The following UGT1A4 variants were observed in gnomAD, a reference collection of about 807,000 sequenced individuals.
The protein encoded by UGT1A4 is UDP glucuronosyltransferase family 1 member A4, also known as UDP-glucuronosyltransferase 1A4.
UGT1A4 carries 32 observed loss-of-function variants against 41.1 expected under a neutral mutation model. That is an observed-to-expected ratio of 0.78 (90% confidence interval 0.59 to 1.05). UGT1A4 has a LOEUF of 1.05. Ranked by LOEUF, UGT1A4 falls within the 50% of genes least tolerant of loss-of-function variation. The pLI is 0.00. For synonymous variants in UGT1A4, 283 were observed against 265.1 expected (o/e 1.07, Z -0.66); for missense variants, 748 against 677.4 (o/e 1.10, Z -1.16).
At chr2:233,760,137 C>G (rs1317655516) in intron 1 of UGT1A4, 2 of 1,403,084 alleles carry the variant, frequency 1.4e-6, no homozygotes, top group Non-Finnish European at 1.9e-6. Context: ...TTCTTTATCT[C>G]TGAAAGTGAA....
rs200102302 is a variant in UGT1A4, at chr2:233,761,088, C to T, written c.868-5946C>T. Reference sequence around the variant, plus strand: ...ACTTTGTGAAGGATTACCCTAGGCCCATCATGCCCAATATGGTTTTTGTTG... The same window carrying T: ...ACTTTGTGAAGGATTACCCTAGGCCTATCATGCCCAATATGGTTTTTGTTG... On this transcript the variant is annotated intron_variant, in intron 1 of 4. Coordinates refer to ENST00000373409, the MANE Select transcript of UGT1A4 (RefSeq NM_007120.3). The T allele has an allele frequency of 4.8e-5, 77 of 1,614,202 alleles. No individual in the cohort carries two copies. Among genetic ancestry groups the T allele is most frequent in the Admixed American group, 1.0e-4 (6 of 60,034 alleles).
chr2:233,743,880 G>C (rs754311427), intron 1 of UGT1A4: 1 of 1,366,528 alleles, frequency 7.3e-7, no homozygotes, highest in South Asian at 1.1e-5. Flanking sequence ...GATGAGGCCT[G>C]CCGGGGCACG....
chr2:233,759,921 T>C (rs1359496363), intron 1 of UGT1A4, among the ~76,000 whole-genome samples: 1 of 152,198 alleles, frequency 6.6e-6, no homozygotes, highest in African/African-American at 2.4e-5. Context: ...TTCTGTTTAA[T>C]TTCTGGAAAA....
Position 233,768,313 on chromosome 2 carries a change from T to C in UGT1A4, c.1181T>C (p.Leu394Ser). 6.2e-7 allele frequency: 1 copy of C among 1,614,194 alleles called. No individual in the cohort carries two copies. The highest frequency in any genetic ancestry group is 8.5e-7 in the Non-Finnish European group (1 of 1,180,048). ...CNGVPMVMMP[L>S]FGDQMDNAKR... The stretch of plus-strand genomic sequence containing the variant: ...GGCGTTCCCATGGTGATGATGCCCT[T>C]GTTTGGTGATCAGATGGACAATGCA... Residue 394 changes from leucine (L) to serine (S), a missense_variant, in exon 4 of 5, where the codon TTG becomes TCG. By Grantham distance (145) the Leu-to-Ser change is moderately radical. Coordinates refer to ENST00000373409, the MANE Select transcript of UGT1A4 (RefSeq NM_007120.3).
intron 1 of UGT1A4, among the ~76,000 whole-genome samples, chr2:233,751,670 A>G (rs181652696): frequency 2.6e-4 from 40 of 152,190 alleles, no homozygotes; most frequent in Admixed American, 1.9e-3. Flanking sequence ...AGTGAGTTCT[A>G]ATGAGAGCTG....
intron 1 of UGT1A4, among the ~76,000 whole-genome samples, chr2:233,752,060 G>T (rs1330346161): frequency 6.6e-6 from 1 of 152,256 alleles, no homozygotes; most frequent in East Asian, 1.9e-4. Context: ...ATGATTTCCC[G>T]AGATGGGGAA....
At chr2:233,765,895 T>C (rs988320482) in intron 1 of UGT1A4, among the ~76,000 whole-genome samples, 1 of 152,066 alleles carries the variant, frequency 6.6e-6, no homozygotes, top group Non-Finnish European at 1.5e-5. Flanking sequence ...AGTGCGCCAC[T>C]GCTCAAACCT....
At chr2:233,761,013 G>A in intron 1 of UGT1A4, 1 of 1,614,176 alleles carries the variant, frequency 6.2e-7, no homozygotes, top group Non-Finnish European at 8.5e-7. Flanking sequence ...AGAGAGAGGT[G>A]ACTGTCCAGG....
chr2:233,748,612 C>T (rs570236786), intron 1 of UGT1A4, among the ~76,000 whole-genome samples: 2 of 151,726 alleles, frequency 1.3e-5, no homozygotes, highest in East Asian at 1.9e-4. Context: ...GAGCAACGAA[C>T]GTGGGATATA....
rs760844779 is a variant in UGT1A4 at position 233,772,567 on chromosome 2, G to A, written c.*8G>A. On this transcript the variant is annotated 3_prime_UTR_variant, in exon 5 of 5. Transcript: ENST00000373409. ...AAATCCAAGACCCATTGAGAAGTGG[G>A]TGGGAAATAAGGTAAAATTTTGAAC... 6.2e-7 allele frequency: 1 copy of A among 1,612,906 alleles called. No individual in the cohort carries two copies.
intron 1 of UGT1A4, chr2:233,747,760 A>G: frequency 6.2e-7 from 1 of 1,613,440 alleles, no homozygotes; most frequent in South Asian, 1.1e-5. Context: ...TTAGACTTTA[A>G]GGGCACACAG....
chr2:233,772,707 C>G lies in UGT1A4; in HGVS notation c.*148C>G, dbSNP rs1471091659. 6.8e-7 allele frequency: 1 copy of G among 1,472,874 alleles called. No homozygotes were observed. Among genetic ancestry groups the G allele is most frequent in the African/African-American group, 1.4e-5 (1 of 70,352 alleles). The allele number at this position is 1,472,874 out of a possible 1,614,324, so 91.2% of individuals were successfully genotyped here. The stretch of plus-strand genomic sequence containing the variant: ...GCCCCAGAGTGCTTTAAAAAATTCT[C>G]TTAAATAAAAATAATAGACTCGCTA... On this transcript the variant is annotated 3_prime_UTR_variant, in exon 5 of 5. Coordinates refer to ENST00000373409, the MANE Select transcript of UGT1A4 (RefSeq NM_007120.3).
At chr2:233,731,656 T>G (rs62191916) in intron 1 of UGT1A4, among the ~76,000 whole-genome samples, 12,108 of 152,302 alleles carry the variant, frequency 0.079, 643 homozygotes, top group East Asian at 0.2. Context: ...GGTGTATATG[T>G]GCCACATTTT....
At chr2:233,724,729 A>G (rs1205720342) in intron 1 of UGT1A4, among the ~76,000 whole-genome samples, 1 of 143,524 alleles carries the variant, frequency 7.0e-6, no homozygotes, top group Non-Finnish European at 1.5e-5. Flanking sequence ...GCAGCCAGGC[A>G]GAGGGGCTCC....
intron 1 of UGT1A4, among the ~76,000 whole-genome samples, chr2:233,749,521 C>T (rs1559394435): frequency 6.6e-6 from 1 of 151,908 alleles, no homozygotes; most frequent in East Asian, 1.9e-4. Flanking sequence ...ACTAGCAAGG[C>T]TAATTTTCGA....
rs1248862284 is a variant in UGT1A4, at chr2:233,768,128, C to G, written c.1088-92C>G. On this transcript the variant is annotated intron_variant, in intron 3 of 4. Transcript: ENST00000373409. ...TTTCTGCAAGGGCATGTGAGTAACA[C>G]TGAGTCTTTGGAGTGTTTTCAGAAC... 5 of 1,605,354 alleles carry G rather than the reference C, an allele frequency of 3.1e-6. No homozygotes were observed. In the East Asian group the frequency reaches 1.1e-4, roughly 36 times the overall value.
intron 1 of UGT1A4, chr2:233,730,138 A>G (rs1337781035): frequency 1.2e-5 from 19 of 1,525,120 alleles, no homozygotes; most frequent in African/African-American, 8.3e-5. Flanking sequence ...CTTCAGTGAG[A>G]TAAACTGTTA....
rs1217808254 is a variant in UGT1A4 at position 233,763,370 on chromosome 2, A to G, written c.868-3664A>G. On this transcript the variant is annotated intron_variant, in intron 1 of 4. Coordinates refer to ENST00000373409, the MANE Select transcript of UGT1A4 (RefSeq NM_007120.3). ...ACATCTTTAGTACTCCTTTGTCTTC[A>G]AGCTTTCTTCCTTTTTAAACAACAT... is the stretch of plus-strand genomic sequence containing the variant. Among the ~76,000 whole-genome samples the G allele has an allele frequency of 3.3e-5, 5 of 152,290 alleles. No homozygotes were observed. The East Asian group carries it at 9.6e-4, about 29-fold the overall frequency.
chr2:233,750,471 A>G (rs759933129), intron 1 of UGT1A4: 1 of 152,038 alleles, frequency 6.6e-6, no homozygotes, highest in African/African-American at 2.4e-5. Context: ...AATACTGGCT[A>G]TAGAAATTTG....
Sources: allele counts gnomAD v4.1 joint callset (sites outside exome capture counted in the v4.1 genomes callset), GRCh38; gene constraint gnomAD v4.1.1; transcripts MANE v1.5; gene names NCBI Gene and HGNC (gene_info 2026-07-23, HGNC 2026-07-21).